CDH8: variants seen among roughly 807,000 people sequenced by gnomAD.
CDH8 encodes cadherin-8.
In CDH8, 17 loss-of-function variants were observed where a neutral mutation model predicts 68.1. That is an observed-to-expected ratio of 0.25 (90% CI 0.17 to 0.37). The LOEUF (loss-of-function observed/expected upper bound fraction) is 0.37. Ranked by LOEUF, CDH8 falls within the 10% of genes least tolerant of loss-of-function variation. The pLI, the probability that CDH8 is intolerant of heterozygous loss-of-function variation, is 1.00. For synonymous variants in CDH8, 372 were observed against 365.1 expected (o/e 1.02, Z -0.21); for missense variants, 763 against 999.3 (o/e 0.76, Z 3.19).
At chr16:61,938,133 A>G (rs1056900695) in intron 2 of CDH8, among the ~76,000 whole-genome samples, 1 of 152,158 alleles carries the variant, frequency 6.6e-6, no homozygotes, top group Non-Finnish European at 1.5e-5. Flanking sequence ...AAATTCTCCA[A>G]ATCATATATA....
rs1963359670 is a variant in CDH8, at chr16:61,653,041, G to C, written c.*567C>G. 7.2e-7 allele frequency: 1 copy of C among 1,388,500 alleles called. No individual in the cohort carries two copies. Among genetic ancestry groups the C allele is most frequent in the Non-Finnish European group, 9.3e-7 (1 of 1,072,524 alleles). The allele number at this position is 1,388,500 out of a possible 1,614,324, so 86.0% of individuals were successfully genotyped here. A position where few individuals can be genotyped will look rare whatever the true frequency, so the allele number is the denominator to read the frequency against. On this transcript the variant is annotated 3_prime_UTR_variant, in exon 12 of 12. Transcript: ENST00000577390. Reference sequence around the variant, plus strand: ...GATGCTATTCAGTCTCTAGTGAGTGGGGCCAACAATTATGTACAATGTGTG... The same window carrying C: ...GATGCTATTCAGTCTCTAGTGAGTGCGGCCAACAATTATGTACAATGTGTG...
At chr16:61,940,396 A>ATTTTTTTTTTTTTTTTTTTTTTTTT (rs1597078843) in intron 2 of CDH8, 2 of 121,054 alleles carry the variant, frequency 1.7e-5, no homozygotes, top group African/African-American at 7.6e-5. Context: ...GAACTACTTG[A>ATTTTTTTTTTTTTTTTTTTTTTTTT]TCTTTTTTTT....
chr16:61,815,259 C>T (rs1596991525), intron 7 of CDH8, among the ~76,000 whole-genome samples: 1 of 152,302 alleles, frequency 6.6e-6, no homozygotes, highest in African/African-American at 2.4e-5. Flanking sequence ...GCTTCCTCTA[C>T]ACAAACTTTC....
intron 10 of CDH8, among the ~76,000 whole-genome samples, chr16:61,691,529 G>T (rs1010615599): frequency 6.6e-6 from 1 of 151,768 alleles, no homozygotes; most frequent in Non-Finnish European, 1.5e-5. Flanking sequence ...GGAACTTATT[G>T]TGCCCTTTGA....
rs4357937 is a variant in CDH8 at position 61,650,544 on chromosome 16, G to A, written c.*3064C>T. On this transcript the variant is annotated 3_prime_UTR_variant, in exon 12 of 12. Coordinates refer to ENST00000577390, the MANE Select transcript of CDH8 (RefSeq NM_001796.5). ...TTTAAAATGTGTTATTTAACAAATT[G>A]AGCATGGGATACTTAAATCTTAGAA... 2.6e-5 allele frequency: 4 copies of A among 151,954 alleles called. No individual in the cohort carries two copies. The highest frequency in any genetic ancestry group is 9.7e-5 in the African/African-American group (4 of 41,340). The allele number at this position is 151,954 out of a possible 1,614,324, so 9.4% of individuals were successfully genotyped here.
chr16:61,647,952 GCATT>G lies in CDH8; in HGVS notation c.*5652_*5655del, dbSNP rs1963241051. The G allele has an allele frequency of 1.5e-6, 1 of 662,308 alleles. No homozygotes were observed. Among genetic ancestry groups the G allele is most frequent in the African/African-American group, 1.8e-5 (1 of 55,230 alleles). 41.0% of individuals were successfully genotyped at this position (662,308 alleles called of 1,614,324 possible). A position where few individuals can be genotyped will look rare whatever the true frequency, so the allele number is the denominator to read the frequency against. On this transcript the variant is annotated 3_prime_UTR_variant, in exon 12 of 12. Coordinates refer to ENST00000577390, the MANE Select transcript of CDH8 (RefSeq NM_001796.5). ...GGGATACTTGCAAGAAATAATACTTGCATTCAAGATGTGAATTAGATGGTGGCAG... is the reference window on the plus strand; with the variant it reads ...GGGATACTTGCAAGAAATAATACTTGCAAGATGTGAATTAGATGGTGGCAG...
chr16:61,982,319 A>C (rs1405711039), intron 2 of CDH8, among the ~76,000 whole-genome samples: 1 of 151,954 alleles, frequency 6.6e-6, no homozygotes, highest in Non-Finnish European at 1.5e-5. Flanking sequence ...TCCCGGGTTC[A>C]CGCCATTCTC....
chr16:62,024,246 C>T (rs77137901), intron 1 of CDH8, among the ~76,000 whole-genome samples: 1,553 of 151,980 alleles, frequency 0.01, 22 homozygotes, highest in African/African-American at 0.035. Flanking sequence ...AGTTGTATAA[C>T]GGCGGAGGGA....
At chr16:61,862,692 C>T (rs544714251) in intron 3 of CDH8, among the ~76,000 whole-genome samples, 2 of 152,212 alleles carry the variant, frequency 1.3e-5, no homozygotes, top group South Asian at 4.1e-4. Flanking sequence ...ATGGATGTTT[C>T]GAGGTTAATC....
intron 3 of CDH8, among the ~76,000 whole-genome samples, chr16:61,885,019 G>A (rs553530348): frequency 4.6e-5 from 7 of 152,200 alleles, no homozygotes; most frequent in African/African-American, 1.7e-4. Context: ...CAAGATAAAC[G>A]AATATAAGAA....
intron 8 of CDH8, among the ~76,000 whole-genome samples, chr16:61,739,763 A>AGAAAAG (rs1222972235): frequency 6.8e-6 from 1 of 147,428 alleles, no homozygotes; most frequent in African/African-American, 2.5e-5. Flanking sequence ...AGAAAAGAAA[A>AGAAAAG]ACAAACAAAC....
intron 8 of CDH8, 102 bp downstream of exon 8, chr16:61,789,244 G>A: frequency 5.8e-6 from 6 of 1,038,820 alleles, no homozygotes; most frequent in Non-Finnish European, 8.5e-6. Flanking sequence ...AAGTTCCAAT[G>A]TCAAGGTACC....
chr16:61,901,801 T>G (rs1963979150), intron 2 of CDH8, among the ~76,000 whole-genome samples: 1 of 152,330 alleles, frequency 6.6e-6, no homozygotes, highest in East Asian at 1.9e-4. Flanking sequence ...CTTAAATTAT[T>G]ATGATTAGTC....
At chr16:61,678,079 T>C (rs1030002662) in intron 10 of CDH8, among the ~76,000 whole-genome samples, 2 of 152,154 alleles carry the variant, frequency 1.3e-5, no homozygotes, top group South Asian at 2.1e-4. Context: ...TTCATCCAAT[T>C]GCTAATCAGA....
rs1389121514 is a variant in CDH8, at chr16:62,020,496, GCGCA to G, written c.252+652_252+655del. Among the ~76,000 whole-genome samples, 45 of 82,262 alleles carry G rather than the reference GCGCA, an allele frequency of 5.5e-4. No homozygotes were observed. The East Asian group carries it at 7.7e-3, about 14-fold the overall frequency. The allele number at this position is 82,262 out of a possible 152,430, so 54.0% of individuals were successfully genotyped here. A position where few individuals can be genotyped will look rare whatever the true frequency, so the allele number is the denominator to read the frequency against. On this transcript the variant is annotated intron_variant, in intron 2 of 11. Coordinates refer to ENST00000577390, the MANE Select transcript of CDH8 (RefSeq NM_001796.5). ...TCCAGTCTAACACACACACGCGCGC[GCGCA>G]CACACACACACACACACACACACAC...
intron 8 of CDH8, among the ~76,000 whole-genome samples, chr16:61,730,902 T>C (rs1279953885): frequency 2.0e-5 from 3 of 151,600 alleles, no homozygotes; most frequent in Non-Finnish European, 1.5e-5. Context: ...ACTCATTACA[T>C]GATAGCCTGA....
intron 7 of CDH8, among the ~76,000 whole-genome samples, chr16:61,803,565 G>A (rs1428982613): frequency 1.3e-5 from 2 of 152,064 alleles, no homozygotes; most frequent in Non-Finnish European, 2.9e-5. Flanking sequence ...CTGTATTCAG[G>A]AAGCCCATCT....
intron 4 of CDH8, among the ~76,000 whole-genome samples, chr16:61,854,862 T>C (rs925849370): frequency 2.0e-5 from 3 of 152,136 alleles, no homozygotes; most frequent in Admixed American, 6.6e-5. Context: ...CTAATTTAGA[T>C]TCTTAGGGAC....
Position 62,021,495 on chromosome 16 carries a change from A to C in CDH8, c.-92T>G. The C allele has an allele frequency of 2.0e-6, 3 of 1,518,916 alleles. No individual in the cohort carries two copies. Among genetic ancestry groups the C allele is most frequent in the Non-Finnish European group, 2.6e-6 (3 of 1,137,754 alleles). 94.1% of individuals were successfully genotyped at this position (1,518,916 alleles called of 1,614,324 possible). Reference sequence around the variant, plus strand: ...CCATCCAATTCATCATGCAGTGCCGAGCATTTACTTACAGCTCTGCCACGT... The same window carrying C: ...CCATCCAATTCATCATGCAGTGCCGCGCATTTACTTACAGCTCTGCCACGT... On this transcript the variant is annotated 5_prime_UTR_variant, in exon 2 of 12. Coordinates refer to ENST00000577390, the MANE Select transcript of CDH8 (RefSeq NM_001796.5).
Sources: allele counts gnomAD v4.1 joint callset (sites outside exome capture counted in the v4.1 genomes callset), GRCh38; gene constraint gnomAD v4.1.1; transcripts MANE v1.5; gene names NCBI Gene and HGNC (gene_info 2026-07-23, HGNC 2026-07-21).